Variants in SMYD3 observed in about 807,000 individuals in gnomAD.
SMYD3 encodes SET and MYND domain containing 3, also known as histone-lysine N-methyltransferase SMYD3.
SMYD3 carries 36 observed loss-of-function variants against 57.7 expected under a neutral mutation model. The ratio of observed to expected loss-of-function variants is 0.62; its 90% CI spans 0.48 to 0.82. SMYD3 has a LOEUF of 0.82. Among genes scored for constraint, SMYD3 ranks in the 40% least tolerant of loss-of-function variants. SMYD3 has a pLI of 0.00. For synonymous variants in SMYD3, 211 were observed against 195.0 expected (o/e 1.08, Z -0.68); for missense variants, 515 against 538.8 (o/e 0.96, Z 0.44).
At chr1:246,031,477 G>A (rs1286093207) in intron 5 of SMYD3, among the ~76,000 whole-genome samples, 1 of 152,042 alleles carries the variant, frequency 6.6e-6, no homozygotes, top group African/African-American at 2.4e-5. Context: ...GTGGCTCACG[G>A]CTATAATCCC....
At chr1:246,408,105 C>T (rs2066897737) in intron 1 of SMYD3, among the ~76,000 whole-genome samples, 2 of 151,980 alleles carry the variant, frequency 1.3e-5, no homozygotes, top group Middle Eastern at 3.4e-3. Context: ...CCTTCCTGAG[C>T]TAATTACCTC....
chr1:246,079,836 C>A (rs1243394404), intron 5 of SMYD3, among the ~76,000 whole-genome samples: 1 of 152,194 alleles, frequency 6.6e-6, no homozygotes, highest in Non-Finnish European at 1.5e-5. Flanking sequence ...ACACAGAAAT[C>A]ATAAATGTTG....
intron 5 of SMYD3, among the ~76,000 whole-genome samples, chr1:245,986,773 T>C (rs549208203): frequency 1.1e-4 from 16 of 152,326 alleles, no homozygotes; most frequent in Admixed American, 3.3e-4. Flanking sequence ...AAAGAGAATA[T>C]GCTAAGTGCA....
chr1:245,960,946 T>C (rs984240444), intron 5 of SMYD3, among the ~76,000 whole-genome samples: 3 of 152,102 alleles, frequency 2.0e-5, no homozygotes, highest in African/African-American at 7.2e-5. Flanking sequence ...AGGCCAAAGG[T>C]CTCTTGTATA....
At chr1:246,059,223 T>G (rs2060208587) in intron 5 of SMYD3, among the ~76,000 whole-genome samples, 1 of 151,932 alleles carries the variant, frequency 6.6e-6, no homozygotes, top group Non-Finnish European at 1.5e-5. Flanking sequence ...GCGGTAAAAG[T>G]AAACGAGGGA....
intron 5 of SMYD3, among the ~76,000 whole-genome samples, chr1:246,190,188 G>C (rs1238177127): frequency 6.6e-6 from 1 of 152,118 alleles, no homozygotes; most frequent in Non-Finnish European, 1.5e-5. Flanking sequence ...CTCTCAATCT[G>C]TTTCCTCAAA....
At chr1:246,194,395 A>G (rs934080596) in intron 5 of SMYD3, among the ~76,000 whole-genome samples, 2 of 151,940 alleles carry the variant, frequency 1.3e-5, no homozygotes, top group Non-Finnish European at 2.9e-5. Flanking sequence ...CAGCCTCCCG[A>G]GTAGCTGGGA....
intron 1 of SMYD3, among the ~76,000 whole-genome samples, chr1:246,373,469 A>G (rs891754016): frequency 9.2e-5 from 14 of 151,618 alleles, no homozygotes; most frequent in African/African-American, 3.4e-4. Flanking sequence ...AACTGGCATT[A>G]GCTACAAAGG....
intron 1 of SMYD3, among the ~76,000 whole-genome samples, chr1:246,360,362 G>A (rs960898206): frequency 1.3e-5 from 2 of 151,958 alleles, no homozygotes; most frequent in African/African-American, 4.8e-5. Flanking sequence ...TCAATATTGT[G>A]AAAATGGCCA....
At chr1:245,892,377 G>C (rs1269832962) in intron 8 of SMYD3, among the ~76,000 whole-genome samples, 2 of 152,186 alleles carry the variant, frequency 1.3e-5, no homozygotes, top group Non-Finnish European at 2.9e-5. Context: ...CCTTAAAGTA[G>C]CTTTGCCAGG....
intron 11 of SMYD3, among the ~76,000 whole-genome samples, chr1:245,762,913 G>A (rs937290010): frequency 5.9e-5 from 9 of 152,114 alleles, no homozygotes; most frequent in Admixed American, 1.3e-4. Context: ...AGTGTCAAGC[G>A]CTTCCTATGA....
intron 1 of SMYD3, among the ~76,000 whole-genome samples, chr1:246,358,722 C>T (rs1459761734): frequency 1.3e-5 from 2 of 152,106 alleles, no homozygotes; most frequent in African/African-American, 4.8e-5. Flanking sequence ...ATTGTTGGGT[C>T]AACAATGAAA....
At chr1:246,477,960 A>G (rs946137646) in intron 1 of SMYD3, among the ~76,000 whole-genome samples, 3 of 152,268 alleles carry the variant, frequency 2.0e-5, no homozygotes, top group Non-Finnish European at 4.4e-5. Context: ...AAATAAACAT[A>G]AAAGTCAGTC....
intron 5 of SMYD3, among the ~76,000 whole-genome samples, chr1:246,063,347 G>T (rs1373983523): frequency 1.3e-5 from 2 of 152,106 alleles, no homozygotes; most frequent in African/African-American, 4.8e-5. Flanking sequence ...GAGTTCAATC[G>T]CCTGTAGGCA....
intron 5 of SMYD3, among the ~76,000 whole-genome samples, chr1:246,208,387 T>C (rs2063034131): frequency 6.6e-6 from 1 of 152,098 alleles, no homozygotes; most frequent in African/African-American, 2.4e-5. Context: ...ATGTGGATAG[T>C]TCCCTACTCA....
At chr1:245,759,944 C>T (rs2045773879) in intron 11 of SMYD3, among the ~76,000 whole-genome samples, 1 of 152,066 alleles carries the variant, frequency 6.6e-6, no homozygotes, top group African/African-American at 2.4e-5. Flanking sequence ...TCCTTGAGGT[C>T]CAAGAAGTCA....
chr1:246,336,432 T>C (rs1028441557), intron 2 of SMYD3, among the ~76,000 whole-genome samples: 2 of 152,240 alleles, frequency 1.3e-5, no homozygotes, highest in Admixed American at 1.3e-4. Context: ...ATTATAAATC[T>C]GCTCCTCAAT....
chr1:246,205,827 A>C (rs1462988683), intron 5 of SMYD3, among the ~76,000 whole-genome samples: 1 of 152,154 alleles, frequency 6.6e-6, no homozygotes, highest in Non-Finnish European at 1.5e-5. Flanking sequence ...TCAAAAAACA[A>C]CAAAGACAAC....
chr1:246,401,896 A>G (rs987249855), intron 1 of SMYD3, among the ~76,000 whole-genome samples: 2 of 151,504 alleles, frequency 1.3e-5, no homozygotes, highest in Non-Finnish European at 2.9e-5. Context: ...CTAATTTTGT[A>G]TTTTTAGTAG....
Sources: gnomAD v4.1 joint callset for allele counts (sites outside exome capture counted in the v4.1 genomes callset) on GRCh38, gnomAD v4.1.1 for gene constraint, MANE v1.5 for transcripts, NCBI Gene and HGNC (gene_info 2026-07-23, HGNC 2026-07-21) for gene names.